Variants in TTN observed in about 807,000 individuals in gnomAD.
TTN encodes titin, also known as connectin.
TTN carries 1,525 observed loss-of-function variants against 3,223.0 expected under a neutral mutation model. That is an observed-to-expected ratio of 0.47 (90% CI 0.45 to 0.49). The LOEUF is 0.49. Ranked by LOEUF, TTN falls within the 20% of genes least tolerant of loss-of-function variation. TTN has a pLI of 0.00. For synonymous variants in TTN, 14,094 were observed against 15,161.0 expected, an observed-to-expected ratio of 0.93 and a Z score of 5.17; for missense variants, 40,786 against 43,424.0, an observed-to-expected ratio of 0.94 and a Z score of 5.40.
At position 178,545,508 on chromosome 2, in the gene TTN, G is replaced by T; in HGVS notation, c.95602C>A (p.Leu31868Met). Residue 31868 changes from leucine to methionine, a missense_variant, in exon 344 of 363, where the codon CTG (leucine) becomes ATG (methionine). By Grantham distance (15) the Leu-to-Met change is conservative (BLOSUM62 2). Transcript: ENST00000589042. ...NKDYVVYDTR[L>M]KVTSLMEGCD... is the part of the protein sequence containing the mutation. ...CCCTCCATCAGGCTGGTCACCTTCAGCCTGGTATCATACACCACATAGTCT... is the reference window on the plus strand; with the variant it reads ...CCCTCCATCAGGCTGGTCACCTTCATCCTGGTATCATACACCACATAGTCT... 1 of 1,613,674 alleles carries T rather than the reference G, an allele frequency of 6.2e-7. No homozygotes were observed. The highest frequency in any genetic ancestry group is 8.5e-7 in the Non-Finnish European group (1 of 1,179,670).
chr2:178,616,591 A>T lies in TTN; in HGVS notation c.48200T>A (p.Ile16067Lys). The T allele has an allele frequency of 1.2e-6, 2 of 1,612,350 alleles. No homozygotes were observed. Among genetic ancestry groups the T allele is most frequent in the Non-Finnish European group, 1.7e-6 (2 of 1,178,996 alleles). ...AGTCAAATGTACTGAGTCCTTGGTT[A>T]TATCACCAAATTTCAATTCTTTGGG... is the stretch of plus-strand genomic sequence containing the variant. ...SAPKELKFGD[I>K]TKDSVHLTWE... The change falls in exon 257 of 363, where the codon ATA (isoleucine) becomes AAA (lysine). Residue 16067 changes from isoleucine to lysine, a missense_variant. By Grantham distance (102) the Ile-to-Lys change is moderately radical. Transcript: ENST00000589042.
intron 350 of TTN, 34 bp from the exon 351 acceptor site, chr2:178,540,404 T>C (rs746715932): frequency 6.5e-7 from 1 of 1,545,456 alleles, no homozygotes; most frequent in Non-Finnish European, 8.8e-7. Flanking sequence ...CTGGTTAAAG[T>C]TGCTGCAAAG....
rs1315282961 is a variant in TTN at position 178,580,451 on chromosome 2, T to G, written c.66928A>C (p.Ile22310Leu). 1 of 1,613,108 alleles carries G rather than the reference T, an allele frequency of 6.2e-7. No homozygotes were observed. Among genetic ancestry groups the G allele is most frequent in the Non-Finnish European group, 8.5e-7 (1 of 1,179,484 alleles). The change falls in exon 317 of 363, where the codon ATA (isoleucine) becomes CTA (leucine). Residue 22310 changes from isoleucine (I) to leucine (L), a missense_variant. Coordinates refer to ENST00000589042, the MANE Select transcript of TTN (RefSeq NM_001267550.2). ...AAAGTGTCAAAGTCAGTTGACTTTA[T>G]GTCCAGTCCAATCCTGTCTCTTAGA... is the stretch of plus-strand genomic sequence containing the variant. ...VNLRDRIGLD[I>L]KSTDFDTFLR...
rs1696890603 is a variant in TTN at position 178,545,934 on chromosome 2, C to G, written c.95302G>C (p.Val31768Leu). 2 of 1,613,874 alleles carry G rather than the reference C, an allele frequency of 1.2e-6. No individual in the cohort carries two copies. The highest frequency in any genetic ancestry group is 1.7e-6 in the Non-Finnish European group (2 of 1,179,802). ...TTGTTCTTGATGAGCCTGGTAACGA[C>G]ATAGGATAGGGTTGGGCATTCGCCT... ...VEGECPTLSY[V>L]VTRLIKNNEY... Residue 31768 changes from valine to leucine, a missense_variant, in exon 343 of 363, where the codon GTC (valine) becomes CTC (leucine). By Grantham distance (32) the Val-to-Leu change is conservative. Transcript: ENST00000589042.
chr2:178,720,104 G>C lies in TTN; in HGVS notation c.23538C>G (p.Phe7846Leu), dbSNP rs149523263. ...GCTGGAGGGTTGCAATGTTATCAAT[G>C]AATGAAATCCTGGTATTTTCACTCT... ...IRESENTRIS[F>L]IDNIATLQLG... The change falls in exon 81 of 363, where the codon TTC becomes TTG. Residue 7846 changes from phenylalanine (F) to leucine (L), a missense_variant. Phe to Leu is a conservative substitution (Grantham distance 22). Transcript: ENST00000589042. 3,512 of 1,613,750 alleles carry C rather than the reference G, an allele frequency of 2.2e-3. 52 individuals carry two copies. Among genetic ancestry groups the C allele is most frequent in the South Asian group, 0.021 (1,932 of 91,080 alleles).
intron 217 of TTN, 54 bp from the exon 218 acceptor site, chr2:178,644,670 T>C (rs894098490): frequency 8.2e-6 from 11 of 1,346,442 alleles, no homozygotes; most frequent in Non-Finnish European, 1.1e-5. Flanking sequence ...CTGAAGCAAG[T>C]GATTAACTTT....
Position 178,601,325 on chromosome 2 carries a change from G to A in TTN, c.55672C>T (p.Arg18558Cys), listed in dbSNP as rs774262905. 20 of 1,608,480 alleles carry A rather than the reference G, an allele frequency of 1.2e-5. No homozygotes were observed. Among genetic ancestry groups the A allele is most frequent in the South Asian group, 2.2e-5 (2 of 90,396 alleles). The change falls in exon 287 of 363, where the codon CGT (arginine) becomes TGT (cysteine). Residue 18558 changes from arginine (R) to cysteine (C), a missense_variant. Physicochemically the swap from Arg to Cys is radical, Grantham distance 180. Transcript: ENST00000589042. The stretch of plus-strand genomic sequence containing the variant: ...TCCACAGGTGGGCCAATACCAAAAC[G>A]GTTTTCTGCTCGCACACGGAAGAAA... ...QYFFRVRAENRFGIGPPVETI... is the reference protein window; with the variant it reads ...QYFFRVRAENCFGIGPPVETI...
chr2:178,756,980 T>C (rs1456706105), intron 45 of TTN, among the ~76,000 whole-genome samples, 183 bp from the exon 46 acceptor site: 1 of 152,154 alleles, frequency 6.6e-6, no homozygotes, highest in Non-Finnish European at 1.5e-5. Flanking sequence ...AATTCATTCC[T>C]GGTGATTCAG....
rs1220880668 is a variant in TTN, at chr2:178,552,375, A to C, written c.90525T>G (p.Ser30175Arg). 2 of 1,591,346 alleles carry C rather than the reference A, an allele frequency of 1.3e-6. No homozygotes were observed. The highest frequency in any genetic ancestry group is 1.7e-5 in the Admixed American group (1 of 58,326). ...WLKDGLPLKE[S>R]EFVRFSKTEN... ...CAGTTTTACTGAAGCGAACAAATTCACTTTCTTTCAGTGGCAAGCCATCTT... is the reference window on the plus strand; with the variant it reads ...CAGTTTTACTGAAGCGAACAAATTCCCTTTCTTTCAGTGGCAAGCCATCTT... Residue 30175 changes from serine to arginine, a missense_variant, in exon 335 of 363, where the codon AGT becomes AGG. Physicochemically the swap from Ser to Arg is moderately radical, Grantham distance 110. Coordinates refer to ENST00000589042, the MANE Select transcript of TTN (RefSeq NM_001267550.2).
Position 178,723,547 on chromosome 2 carries a change from T to G in TTN, c.21553A>C (p.Ile7185Leu). ...RELVKGDRCN[I>L]YFEDTVAELE... ...TCTGCCACAGTGTCTTCAAAATAGA[T>G]GTTGCACCGGTCTCCTTTCACTAGT... Residue 7185 changes from isoleucine (I) to leucine (L), a missense_variant, in exon 74 of 363, where the codon ATC becomes CTC. Physicochemically the swap from Ile to Leu is conservative, Grantham distance 5 (BLOSUM62 2). Coordinates refer to ENST00000589042, the MANE Select transcript of TTN (RefSeq NM_001267550.2). 1 of 1,613,344 alleles carries G rather than the reference T, an allele frequency of 6.2e-7. No homozygotes were observed. Among genetic ancestry groups the G allele is most frequent in the East Asian group, 2.2e-5 (1 of 44,828 alleles).
intron 47 of TTN, chr2:178,751,866 A>G: frequency 6.2e-7 from 1 of 1,608,680 alleles, no homozygotes; most frequent in Non-Finnish European, 8.5e-7. Context: ...ACATATTTAA[A>G]TGTAAGTTTC....
chr2:178,774,868 T>A (rs2092017926), intron 29 of TTN, 53 bp downstream of exon 29: 1 of 1,607,124 alleles, frequency 6.2e-7, no homozygotes, highest in South Asian at 1.1e-5. Flanking sequence ...TACCACATGC[T>A]AAGGGTGACT....
rs567732904 is a variant in TTN at position 178,726,121 on chromosome 2, A to G, written c.20276-75T>C. The G allele has an allele frequency of 1.6e-5, 23 of 1,466,444 alleles. No homozygotes were observed. In the African/African-American group the frequency reaches 3.1e-4, roughly 20 times the overall value. The allele number at this position is 1,466,444 out of a possible 1,614,324, so 90.8% of individuals were successfully genotyped here. On this transcript the variant is annotated intron_variant, in intron 69 of 362. Transcript: ENST00000589042. ...ATGAAAATTTTTTATTTGTCTTTAA[A>G]TTGGAAGAAAGGTTTAAGATATTCT...
At position 178,768,786 on chromosome 2, in the gene TTN, C is replaced by A. The variant is rs372303620; in HGVS notation, c.9050G>T (p.Arg3017Ile). The A allele has an allele frequency of 1.2e-6, 2 of 1,614,010 alleles. No individual in the cohort carries two copies. The highest frequency in any genetic ancestry group is 2.2e-5 in the East Asian group (1 of 44,848). Residue 3017 changes from arginine (R) to isoleucine (I), a missense_variant, in exon 38 of 363, where the codon AGA becomes ATA. Coordinates refer to ENST00000589042, the MANE Select transcript of TTN (RefSeq NM_001267550.2). ...EIKSTDKCQM[R>I]TKKLTHSLNI... Reference sequence around the variant, plus strand: ...CAGTGAGTGTGTGAGCTTTTTGGTTCTCATCTGGCACTTGTCAGTTGATTT... The same window carrying A: ...CAGTGAGTGTGTGAGCTTTTTGGTTATCATCTGGCACTTGTCAGTTGATTT...
intron 159 of TTN, 95 bp from the exon 160 acceptor site, chr2:178,667,816 C>T: frequency 1.1e-6 from 1 of 895,738 alleles, no homozygotes; most frequent in Non-Finnish European, 1.6e-6. Context: ...ACATTCATCA[C>T]CAAAATTAAT....
Position 178,593,610 on chromosome 2 carries a change from C to A in TTN, c.58690G>T (p.Asp19564Tyr). 2 of 1,612,820 alleles carry A rather than the reference C, an allele frequency of 1.2e-6. No individual in the cohort carries two copies. The highest frequency in any genetic ancestry group is 1.7e-4 in the Middle Eastern group (1 of 6,048). The change falls in exon 298 of 363, where the codon GAT (aspartate) becomes TAT (tyrosine). Residue 19564 changes from aspartate to tyrosine, a missense_variant. Physicochemically the swap from Asp to Tyr is radical, Grantham distance 160. Coordinates refer to ENST00000589042, the MANE Select transcript of TTN (RefSeq NM_001267550.2). ...IHAENLYGIS[D>Y]PLVSDSMKAK... ...TTCATTGAATCAGACACCAGAGGAT[C>A]ACTTATTCCATACAGATTTTCAGCA...
At position 178,719,779 on chromosome 2, in the gene TTN, G is replaced by A; in HGVS notation, c.23713C>T (p.Pro7905Ser). 6.2e-7 allele frequency: 1 copy of A among 1,613,420 alleles called. No individual in the cohort carries two copies. The highest frequency in any genetic ancestry group is 2.2e-5 in the East Asian group (1 of 44,846). ...PEPMTVTTGN[P>S]FALECVVTGT... ...GTCACTACACACTCTAATGCAAAAG[G>A]ATTTCCAGTAGTGACAGTCATGGGT... The change falls in exon 82 of 363, where the codon CCT becomes TCT. Residue 7905 changes from proline (P) to serine (S), a missense_variant. Pro to Ser is a moderately conservative substitution (Grantham distance 74, BLOSUM62 -1). Transcript: ENST00000589042.
At chr2:178,690,164 C>A (rs892960168) in intron 121 of TTN, among the ~76,000 whole-genome samples, 1 of 152,076 alleles carries the variant, frequency 6.6e-6, no homozygotes, top group South Asian at 2.1e-4. Flanking sequence ...TATTGTATGA[C>A]CTTGCTAAAA....
At chr2:178,800,053 G>T (rs1476880552) in intron 4 of TTN, 143 bp from the exon 5 acceptor site, 3 of 902,970 alleles carry the variant, frequency 3.3e-6, no homozygotes, top group Non-Finnish European at 5.0e-6. Flanking sequence ...GATTTTGCAT[G>T]AATATAAATT....
Sources: gnomAD v4.1 joint callset for allele counts (sites outside exome capture counted in the v4.1 genomes callset) on GRCh38, gnomAD v4.1.1 for gene constraint, MANE v1.5 for transcripts, NCBI Gene and HGNC (gene_info 2026-07-23, HGNC 2026-07-21) for gene names.